Variants in KIAA0319L observed in about 807,000 individuals in gnomAD.
KIAA0319L encodes KIAA0319 like, also known as dyslexia-associated protein KIAA0319-like protein.
KIAA0319L carries 55 observed loss-of-function variants against 120.1 expected under a neutral mutation model. That is an observed-to-expected ratio of 0.46 (90% CI 0.37 to 0.57). The LOEUF (loss-of-function observed/expected upper bound fraction) is 0.57. Among genes scored for constraint, KIAA0319L ranks in the 20% least tolerant of loss-of-function variants. The pLI, the probability that KIAA0319L is intolerant of heterozygous loss-of-function variation, is 0.00. For missense variants in KIAA0319L, 1,049 were observed against 1,255.3 expected, an observed-to-expected ratio of 0.84 and a Z score of 2.48; for synonymous variants, 398 against 471.9, an observed-to-expected ratio of 0.84 and a Z score of 2.03.
At chr1:35,536,642 T>G (rs1020366219) in intron 2 of KIAA0319L, among the ~76,000 whole-genome samples, 7 of 152,236 alleles carry the variant, frequency 4.6e-5, no homozygotes, top group Admixed American at 2.0e-4. Context: ...CTAAAACAAC[T>G]TAATAAATCA....
intron 3 of KIAA0319L, among the ~76,000 whole-genome samples, chr1:35,489,486 C>CAGAA (rs1459314969): frequency 6.6e-6 from 1 of 152,074 alleles, no homozygotes; most frequent in African/African-American, 2.4e-5. Flanking sequence ...GACCAGCAGT[C>CAGAA]TTTCTGAGTT....
intron 5 of KIAA0319L, among the ~76,000 whole-genome samples, chr1:35,472,068 G>T (rs955218705): frequency 3.3e-5 from 5 of 152,184 alleles, no homozygotes; most frequent in Non-Finnish European, 7.3e-5. Context: ...ACTGTAGCTG[G>T]AAATTCTTTT....
At position 35,459,730 on chromosome 1, in the gene KIAA0319L, G is replaced by A. The variant is rs368614304; in HGVS notation, c.1427+575C>T. Among the ~76,000 whole-genome samples the A allele has an allele frequency of 5.1e-4, 77 of 152,160 alleles. 1 individual carries two copies. The highest frequency in any genetic ancestry group is 1.8e-3 in the African/African-American group (75 of 41,508). ...GTATGATACTCATATATTAATACAAGTGCTTTTTAACATACAAGGAATTAC... is the reference window on the plus strand; with the variant it reads ...GTATGATACTCATATATTAATACAAATGCTTTTTAACATACAAGGAATTAC... On this transcript the variant is annotated intron_variant, in intron 9 of 20. Transcript: ENST00000325722.
intron 3 of KIAA0319L, among the ~76,000 whole-genome samples, chr1:35,500,808 T>C (rs573777808): frequency 6.6e-6 from 1 of 152,344 alleles, no homozygotes; most frequent in African/African-American, 2.4e-5. Context: ...GCCAAGGCAA[T>C]TCTCAATGCA....
intron 8 of KIAA0319L, among the ~76,000 whole-genome samples, chr1:35,461,156 C>A (rs1053090902): frequency 6.6e-6 from 1 of 152,108 alleles, no homozygotes; most frequent in Non-Finnish European, 1.5e-5. Context: ...GAATAAGCAT[C>A]TTATGTGTTG....
At chr1:35,510,417 C>T (rs1645385462) in intron 2 of KIAA0319L, 1 of 146,464 alleles carries the variant, frequency 6.8e-6, no homozygotes, top group Admixed American at 6.9e-5. Flanking sequence ...CTCACTCTGT[C>T]ACTGCAGAGC....
chr1:35,444,244 T>C lies in KIAA0319L; in HGVS notation c.2573A>G (p.Glu858Gly). 6.2e-7 allele frequency: 1 copy of C among 1,609,368 alleles called. No homozygotes were observed. Among genetic ancestry groups the C allele is most frequent in the Non-Finnish European group, 8.5e-7 (1 of 1,178,172 alleles). The change falls in exon 17 of 21, where the codon GAG (glutamate) becomes GGG (glycine). Residue 858 changes from glutamate (E) to glycine (G), a missense_variant. Transcript: ENST00000325722. Reference protein sequence around the residue: ...EPPHQIFKGHEVAAMLKSELR... With the variant: ...EPPHQIFKGHGVAAMLKSELR... ...CTCACTCTTGAGCATCGCTGCCACC[T>C]CATGGCCTTTGAAGATCTGGTGGGG...
At chr1:35,444,545 G>A (rs1641477809) in intron 16 of KIAA0319L, among the ~76,000 whole-genome samples, 1 of 152,180 alleles carries the variant, frequency 6.6e-6, no homozygotes, top group African/African-American at 2.4e-5. Flanking sequence ...TTATGGCAGA[G>A]CCAGATCCCA....
chr1:35,540,913 C>T (rs543648577), intron 2 of KIAA0319L, among the ~76,000 whole-genome samples: 5 of 152,176 alleles, frequency 3.3e-5, no homozygotes, highest in South Asian at 4.2e-4. Context: ...GGGCAGAAAC[C>T]GTATCTGTCT....
At chr1:35,456,284 G>C in intron 9 of KIAA0319L, 43 bp from the exon 10 acceptor site, 1 of 1,295,028 alleles carries the variant, frequency 7.7e-7, no homozygotes, top group Non-Finnish European at 1.1e-6. Context: ...ACGGGTTTAA[G>C]GAAAGAGGAA....
At chr1:35,490,412 T>C (rs189181138) in intron 3 of KIAA0319L, among the ~76,000 whole-genome samples, 10 of 152,256 alleles carry the variant, frequency 6.6e-5, no homozygotes, top group Admixed American at 2.0e-4. Flanking sequence ...AGAATATTCA[T>C]AGTGATACAA....
intron 2 of KIAA0319L, among the ~76,000 whole-genome samples, chr1:35,534,170 T>A (rs2148475588): frequency 6.6e-6 from 1 of 152,372 alleles, no homozygotes; most frequent in Non-Finnish European, 1.5e-5. Flanking sequence ...CTGCCTTTGC[T>A]ATGTGCCTAG....
intron 15 of KIAA0319L, among the ~76,000 whole-genome samples, chr1:35,448,853 C>T (rs1225680045): frequency 6.6e-6 from 1 of 152,180 alleles, no homozygotes; most frequent in Non-Finnish European, 1.5e-5. Context: ...AAAGAAAATC[C>T]AGTCAGCCAA....
At chr1:35,544,983 T>C (rs1247169572) in intron 2 of KIAA0319L, among the ~76,000 whole-genome samples, 2 of 152,040 alleles carry the variant, frequency 1.3e-5, no homozygotes, top group African/African-American at 4.8e-5. Context: ...ACAGAACACA[T>C]GGGTCTCACT....
At chr1:35,481,792 C>G (rs541524450) in intron 3 of KIAA0319L, among the ~76,000 whole-genome samples, 4 of 150,874 alleles carry the variant, frequency 2.7e-5, no homozygotes, top group African/African-American at 7.3e-5. Context: ...CCTCCCCACC[C>G]TAAGCAACCA....
Position 35,453,912 on chromosome 1 carries a change from T to C in KIAA0319L, c.1781-223A>G, listed in dbSNP as rs1011372638. 6.6e-6 allele frequency among the ~76,000 whole-genome samples: 1 copy of C among 152,212 alleles called. No homozygotes were observed. Among genetic ancestry groups the C allele is most frequent in the Non-Finnish European group, 1.5e-5 (1 of 68,036 alleles). The stretch of plus-strand genomic sequence containing the variant: ...AGAAACATAGAACATAATGAAGTTA[T>C]AATGCCATACTAAACTTGAACTCTA... On this transcript the variant is annotated intron_variant, in intron 11 of 20. Coordinates refer to ENST00000325722, the MANE Select transcript of KIAA0319L (RefSeq NM_024874.5). This position sits in a 1 kb window ranked among gnomAD's most constrained non-coding sequence, Gnocchi z 4.1.
rs1188638 is a variant in KIAA0319L, at chr1:35,448,733, C to T, written c.2354-401G>A. On this transcript the variant is annotated intron_variant, in intron 15 of 20. Coordinates refer to ENST00000325722, the MANE Select transcript of KIAA0319L (RefSeq NM_024874.5). ...TCTCTCCTGACTCACATCTGATTTT[C>T]AGTGCCTCGCTGTATTTTGTGCACA... 2.1e-3 allele frequency among the ~76,000 whole-genome samples: 326 copies of T among 152,308 alleles called. 1 individual carries two copies. The highest frequency in any genetic ancestry group is 7.4e-3 in the African/African-American group (307 of 41,562).
At chr1:35,489,786 C>A (rs976897234) in intron 3 of KIAA0319L, among the ~76,000 whole-genome samples, 7 of 151,804 alleles carry the variant, frequency 4.6e-5, no homozygotes, top group Admixed American at 1.3e-4. Flanking sequence ...CCTGCCTCAG[C>A]CTCCCAAATA....
At chr1:35,449,781 C>T (rs1641913577) in intron 15 of KIAA0319L, 86 bp downstream of exon 15, 20 of 1,471,488 alleles carry the variant, frequency 1.4e-5, no homozygotes, top group Non-Finnish European at 1.7e-5. Flanking sequence ...TGGCTCTGTC[C>T]ATGCTCGGGG....
Sources: gnomAD v4.1 joint callset for allele counts (sites outside exome capture counted in the v4.1 genomes callset) on GRCh38, gnomAD v4.1.1 for gene constraint, Gnocchi (gnomAD v3.1) non-coding constraint, MANE v1.5 for transcripts, NCBI Gene and HGNC (gene_info 2026-07-23, HGNC 2026-07-21) for gene names.